TPTE2: variants seen among roughly 807,000 people sequenced by gnomAD.
TPTE2 encodes the protein phosphatidylinositol 3,4,5-trisphosphate 3-phosphatase TPTE2.
A neutral mutation model predicts 78.6 loss-of-function variants in TPTE2; 53 were observed. The ratio of observed to expected loss-of-function variants is 0.67; its 90% CI spans 0.54 to 0.85. The LOEUF is 0.85. Among genes scored for constraint, TPTE2 ranks in the 40% least tolerant of loss-of-function variants. The pLI, the probability that TPTE2 is intolerant of heterozygous loss-of-function variation, is 0.00. For missense variants in TPTE2, 461 were observed against 623.0 expected (o/e 0.74, Z 2.77); for synonymous variants, 175 against 206.2 (o/e 0.85, Z 1.30).
chr13:19,425,710 C>A (rs766245966), intron 18 of TPTE2: 1 of 514,362 alleles, frequency 1.9e-6, no homozygotes, highest in Non-Finnish European at 3.9e-6. Context: ...ACCTTACATC[C>A]CAATAAAGGC....
Position 19,493,317 on chromosome 13 carries a change from G to GTGGATGGATGGATGGA in TPTE2, c.65+115_65+130dup, listed in dbSNP as rs71092368. Reference sequence around the variant, plus strand: ...TTGTGTACGCGTGTTGAAGAGAAGTGTGGATGGATGGATGGATGGATGGAT... The same window carrying GTGGATGGATGGATGGA: ...TTGTGTACGCGTGTTGAAGAGAAGTGTGGATGGATGGATGGATGGATGGATGGATGGATGGATGGAT... On this transcript the variant is annotated intron_variant, in intron 2 of 19. Transcript: ENST00000400230. 1.9e-4 allele frequency: 122 copies of GTGGATGGATGGATGGA among 657,364 alleles called. 1 individual carries two copies. Among genetic ancestry groups the GTGGATGGATGGATGGA allele is most frequent in the African/African-American group, 3.2e-4 (18 of 56,544 alleles). The allele number at this position is 657,364 out of a possible 1,614,324, so 40.7% of individuals were successfully genotyped here. A position where few individuals can be genotyped will look rare whatever the true frequency, so the allele number is the denominator to read the frequency against.
At chr13:19,561,312 G>A in the TPTE2 span, 31 of 806,826 alleles carry the variant, frequency 3.8e-5, no homozygotes, top group South Asian at 9.5e-5. Flanking sequence ...CCGATCCCAG[G>A]CACACGGCGG....
At chr13:19,431,476 T>C (rs1392912722) in intron 16 of TPTE2, among the ~76,000 whole-genome samples, 1 of 152,192 alleles carries the variant, frequency 6.6e-6, no homozygotes, top group East Asian at 1.9e-4. Context: ...AATTCTACAT[T>C]AATTTTAATT....
intron 5 of TPTE2, 22 bp downstream of exon 8, chr13:19,475,551 G>A: frequency 6.2e-7 from 1 of 1,605,456 alleles, no homozygotes; most frequent in Non-Finnish European, 8.5e-7. Flanking sequence ...TTAATACATG[G>A]TGTTTTCTAT....
At chr13:19,532,299 C>G (rs1046922561) in intron 1 of TPTE2, among the ~76,000 whole-genome samples, 1 of 152,144 alleles carries the variant, frequency 6.6e-6, no homozygotes, top group Non-Finnish European at 1.5e-5. Flanking sequence ...GAGGTGGGGC[C>G]TTTAAAAGGT....
chr13:19,511,957 A>G (rs935812450), intron 1 of TPTE2, among the ~76,000 whole-genome samples: 1 of 152,242 alleles, frequency 6.6e-6, no homozygotes, highest in African/African-American at 2.4e-5. Context: ...TATGTGGAAC[A>G]GGATACTGAA....
chr13:19,440,520 A>G (rs922695882), intron 13 of TPTE2, among the ~76,000 whole-genome samples: 12 of 152,238 alleles, frequency 7.9e-5, no homozygotes, highest in Non-Finnish European at 1.5e-4. Context: ...CTGTAATCCC[A>G]GCACTTTGGG....
At chr13:19,440,796 C>A (rs1462417578) in intron 13 of TPTE2, among the ~76,000 whole-genome samples, 1 of 149,676 alleles carries the variant, frequency 6.7e-6, no homozygotes, top group African/African-American at 2.5e-5. Flanking sequence ...AACAAACAAA[C>A]AAAAAACAGG....
intron 1 of TPTE2, among the ~76,000 whole-genome samples, chr13:19,509,605 A>C (rs1869296885): frequency 6.6e-6 from 1 of 152,226 alleles, no homozygotes; most frequent in Non-Finnish European, 1.5e-5. Flanking sequence ...CAAAGAAATC[A>C]ACCTAGTATT....
intron 13 of TPTE2, among the ~76,000 whole-genome samples, chr13:19,443,564 G>C (rs1199876260): frequency 1.3e-5 from 2 of 151,860 alleles, no homozygotes; most frequent in African/African-American, 4.8e-5. Context: ...CACCACACCT[G>C]GCAAATTTTT....
At chr13:19,547,254 C>G in the TPTE2 span, among the ~76,000 whole-genome samples, 1 of 152,234 alleles carries the variant, frequency 6.6e-6, no homozygotes, top group East Asian at 1.9e-4. Flanking sequence ...TCCAGGAGTT[C>G]AAGACCAGCC....
the TPTE2 span, among the ~76,000 whole-genome samples, chr13:19,547,722 T>TACATAC: frequency 3.7e-5 from 4 of 107,010 alleles, no homozygotes; most frequent in African/African-American, 1.6e-4. Context: ...TAAATATACA[T>TACATAC]ATATATATAT....
At chr13:19,434,041 A>G (rs1876880421) in intron 15 of TPTE2, among the ~76,000 whole-genome samples, 1 of 152,176 alleles carries the variant, frequency 6.6e-6, no homozygotes, top group African/African-American at 2.4e-5. Context: ...TTCTCCTACA[A>G]CTTAAAACAA....
chr13:19,559,973 GCAGGTCCTGC>G, the TPTE2 span: 2 of 449,866 alleles, frequency 4.4e-6, no homozygotes, highest in Non-Finnish European at 7.7e-6. Flanking sequence ...CCCATGCTAG[GCAGGTCCTGC>G]CAGAACCCCC....
intron 14 of TPTE2, among the ~76,000 whole-genome samples, 174 bp downstream of exon 17, chr13:19,437,918 T>C (rs763238008): frequency 6.6e-6 from 1 of 152,178 alleles, no homozygotes; most frequent in Non-Finnish European, 1.5e-5. Flanking sequence ...AGCTACTAAC[T>C]AGTGCACGTT....
At chr13:19,464,476 A>G in exon 10 of TPTE2, 1 of 1,613,064 alleles carries the variant, frequency 6.2e-7, no homozygotes, top group Non-Finnish European at 8.5e-7. Context: ...TTTCTATAGA[A>G]AGACTGCCTT....
At chr13:19,470,859 G>A (rs563853669) in intron 6 of TPTE2, among the ~76,000 whole-genome samples, 2 of 151,306 alleles carry the variant, frequency 1.3e-5, no homozygotes, top group South Asian at 4.2e-4. Context: ...AGTATTTCCT[G>A]TAGGCAACAG....
intron 1 of TPTE2, among the ~76,000 whole-genome samples, chr13:19,517,426 G>T (rs181526359): frequency 1.8e-3 from 267 of 152,270 alleles, no homozygotes; most frequent in African/African-American, 6.2e-3. Context: ...TACCCTGAGG[G>T]TAAGGGGACT....
intron 13 of TPTE2, 67 bp from the exon 17 acceptor site, chr13:19,438,220 G>C: frequency 3.9e-6 from 6 of 1,548,066 alleles, no homozygotes; most frequent in Non-Finnish European, 5.2e-6. Flanking sequence ...AATATTCAAG[G>C]AGTGCATTTT....
Sources: gnomAD v4.1 joint callset for allele counts (sites outside exome capture counted in the v4.1 genomes callset) on GRCh38, gnomAD v4.1.1 for gene constraint, MANE v1.5 for transcripts, NCBI Gene and HGNC (gene_info 2026-07-23, HGNC 2026-07-21) for gene names.